RAP1GAP2: variants seen among roughly 807,000 people sequenced by gnomAD.
RAP1GAP2 encodes the protein RAP1 GTPase activating protein 2.
RAP1GAP2 carries 27 observed loss-of-function variants against 95.0 expected under a neutral mutation model. The observed-to-expected ratio is 0.28, with a 90% CI of 0.21 to 0.39. The LOEUF is 0.39. Among genes scored for constraint, RAP1GAP2 ranks in the 10% least tolerant of loss-of-function variants. RAP1GAP2 has a pLI of 1.00. For synonymous variants in RAP1GAP2, 373 were observed against 380.9 expected (o/e 0.98, Z 0.24); for missense variants, 771 against 970.0 (o/e 0.79, Z 2.72).
Position 2,758,181 on chromosome 17 carries a change from C to CCTT in RAP1GAP2, c.50+2414_50+2415insCTT, listed in dbSNP as rs1555537910. ...ACCACGCCTGGCCACGCCCCCCCCCCTTTTTTTTTTTTAAGATGAAGTCTA... is the reference window on the plus strand; with the variant it reads ...ACCACGCCTGGCCACGCCCCCCCCCCCTTTTTTTTTTTTTTAAGATGAAGTCTA... On this transcript the variant is annotated intron_variant, in intron 1 of 25. Coordinates refer to the RAP1GAP2 transcript ENST00000637138. Among the ~76,000 whole-genome samples, 30 of 124,146 alleles carry CCTT rather than the reference C, an allele frequency of 2.4e-4. 1 individual carries two copies. The highest frequency in any genetic ancestry group is 6.2e-4 in the African/African-American group (20 of 32,494). 81.4% of individuals were successfully genotyped at this position (124,146 alleles called of 152,430 possible).
At chr17:2,849,998 G>GTTTTTTTTTTT (rs1363363543) in intron 2 of RAP1GAP2, among the ~76,000 whole-genome samples, 3 of 136,130 alleles carry the variant, frequency 2.2e-5, no homozygotes, top group African/African-American at 5.4e-5. Context: ...AACACTGCCT[G>GTTTTTTTTTTT]CTTTTTTTTT....
At chr17:2,898,781 G>A (rs531605513) in intron 2 of RAP1GAP2, among the ~76,000 whole-genome samples, 25 of 152,268 alleles carry the variant, frequency 1.6e-4, no homozygotes, top group Admixed American at 6.5e-4. Context: ...TTTTTGCAGC[G>A]TACCAGGCAC....
upstream of RAP1GAP2, among the ~76,000 whole-genome samples, chr17:2,793,082 C>T (rs879811510): frequency 5.9e-5 from 9 of 151,984 alleles, no homozygotes; most frequent in Admixed American, 1.3e-4. Context: ...AGCGCATCAA[C>T]GTATACTCCA....
chr17:2,914,823 G>C (rs538325389), intron 3 of RAP1GAP2, among the ~76,000 whole-genome samples: 2 of 130,978 alleles, frequency 1.5e-5, no homozygotes, highest in Non-Finnish European at 3.1e-5. Context: ...ACGGAGCCTT[G>C]CTCTGTCACC....
rs755645959 is a variant in RAP1GAP2 at position 2,906,471 on chromosome 17, G to C, written c.165+1103G>C. 5.3e-5 allele frequency among the ~76,000 whole-genome samples: 8 copies of C among 151,166 alleles called. No homozygotes were observed. The highest frequency in any genetic ancestry group is 1.2e-4 in the Non-Finnish European group (8 of 67,934). ...GTGGGTTAAGTGGTCAGCGGTGGGC[G>C]GGGGGGCAGGACAGGGTGCAGGGCT... On this transcript the variant is annotated intron_variant, in intron 3 of 24. Transcript: ENST00000254695. This position sits in a 1 kb window ranked among gnomAD's most constrained non-coding sequence, Gnocchi z 4.3.
chr17:2,895,742 A>T (rs1391643288), intron 2 of RAP1GAP2, among the ~76,000 whole-genome samples: 1 of 151,800 alleles, frequency 6.6e-6, no homozygotes, highest in African/African-American at 2.4e-5. Context: ...ATGCCTGGCT[A>T]ATTTTTTGTA....
At chr17:2,942,342 A>T (rs936708939) in intron 3 of RAP1GAP2, among the ~76,000 whole-genome samples, 2 of 152,182 alleles carry the variant, frequency 1.3e-5, no homozygotes, top group African/African-American at 4.8e-5. Flanking sequence ...CCAGCTCAGG[A>T]ACATTCAGTG....
intron 1 of RAP1GAP2, among the ~76,000 whole-genome samples, chr17:2,787,288 A>G (rs1162175568): frequency 7.0e-6 from 1 of 142,762 alleles, no homozygotes; most frequent in Non-Finnish European, 1.5e-5. Context: ...TTTTCGAGAC[A>G]GAGTCTTGCT....
intron 2 of RAP1GAP2, among the ~76,000 whole-genome samples, chr17:2,839,374 C>T (rs1403827505): frequency 6.6e-6 from 1 of 151,686 alleles, no homozygotes; most frequent in Non-Finnish European, 1.5e-5. Flanking sequence ...TACAGAGAGT[C>T]CCCATAGGCT....
At chr17:2,791,547 T>TA (rs1567650902), upstream of RAP1GAP2, among the ~76,000 whole-genome samples, 1 of 152,224 alleles carries the variant, frequency 6.6e-6, no homozygotes, top group Non-Finnish European at 1.5e-5. Flanking sequence ...GTGGGGCTGA[T>TA]AATCATCAAG....
At chr17:2,875,782 C>G (rs1597487233) in intron 2 of RAP1GAP2, among the ~76,000 whole-genome samples, 1 of 152,026 alleles carries the variant, frequency 6.6e-6, no homozygotes, top group African/African-American at 2.4e-5. Context: ...TGGGCCCCTT[C>G]CTCTTCTCTG....
chr17:2,803,404 G>A (rs964123354), intron 2 of RAP1GAP2, among the ~76,000 whole-genome samples: 5 of 152,212 alleles, frequency 3.3e-5, no homozygotes, highest in Admixed American at 6.5e-5. Context: ...GGGAACTGAA[G>A]GGGAGGAAGC....
At chr17:2,927,473 G>T (rs1487287119) in intron 3 of RAP1GAP2, among the ~76,000 whole-genome samples, 1 of 152,120 alleles carries the variant, frequency 6.6e-6, no homozygotes, top group Non-Finnish European at 1.5e-5. Context: ...TTCTCACACC[G>T]CCGTCTCTCG....
Position 2,809,141 on chromosome 17 carries a change from G to A in RAP1GAP2, c.80+8591G>A, listed in dbSNP as rs367770076. ...CCTCCTCCTGGCCAGTCCCTGCCAT[G>A]CCCAGGAAGCCCTGGTGAGTCCCTG... On this transcript the variant is annotated intron_variant, in intron 2 of 24. Transcript: ENST00000254695. 9.8e-5 allele frequency among the ~76,000 whole-genome samples: 15 copies of A among 152,314 alleles called. No homozygotes were observed. The East Asian group carries it at 1.5e-3, about 16-fold the overall frequency.
chr17:2,910,831 T>G (rs952883452), intron 3 of RAP1GAP2, among the ~76,000 whole-genome samples: 1 of 152,132 alleles, frequency 6.6e-6, no homozygotes, highest in African/African-American at 2.4e-5. Flanking sequence ...GCTCAAGCAG[T>G]TCTCCTGCCC....
intron 3 of RAP1GAP2, among the ~76,000 whole-genome samples, chr17:2,933,737 C>G (rs2043224686): frequency 6.6e-6 from 1 of 152,174 alleles, no homozygotes; most frequent in South Asian, 2.1e-4. Flanking sequence ...CTTGAATAAC[C>G]TGATGAGATT....
intron 3 of RAP1GAP2, among the ~76,000 whole-genome samples, chr17:2,954,072 A>G (rs2044017840): frequency 6.6e-6 from 1 of 152,158 alleles, no homozygotes; most frequent in African/African-American, 2.4e-5. Context: ...TTTGATTAAA[A>G]TGGAATTATG....
At chr17:2,786,168 T>G (rs1166865714) in intron 1 of RAP1GAP2, among the ~76,000 whole-genome samples, 1 of 152,232 alleles carries the variant, frequency 6.6e-6, no homozygotes, top group African/African-American at 2.4e-5. Context: ...CCCACAGTGC[T>G]GGGATTACAG....
intron 2 of RAP1GAP2, among the ~76,000 whole-genome samples, chr17:2,873,908 A>G (rs2072966997): frequency 2.0e-5 from 3 of 151,592 alleles, no homozygotes; most frequent in African/African-American, 7.3e-5. Context: ...GATTACAGGC[A>G]TGCGCCACCA....
Sources: gnomAD v4.1 joint callset for allele counts (sites outside exome capture counted in the v4.1 genomes callset) on GRCh38, gnomAD v4.1.1 for gene constraint, Gnocchi (gnomAD v3.1) non-coding constraint, MANE v1.5 for transcripts, NCBI Gene and HGNC (gene_info 2026-07-23, HGNC 2026-07-21) for gene names.